NALCN: variants seen among roughly 807,000 people sequenced by gnomAD.
NALCN encodes sodium leak channel NALCN.
NALCN carries 111 observed loss-of-function variants against 225.3 expected under a neutral mutation model. That is an observed-to-expected ratio of 0.49 (90% CI 0.42 to 0.58). NALCN has a LOEUF of 0.58. NALCN is among the 20% of genes least tolerant of loss of function. The probability of loss-of-function intolerance (pLI) is 0.00; values close to 1 mark genes in which losing one functional copy is unlikely to be tolerated. For synonymous variants in NALCN, 764 were observed against 769.0 expected (o/e 0.99, Z 0.11); for missense variants, 1,378 against 2,202.4 (o/e 0.63, Z 7.49).
chr13:101,206,211 C>T (rs1346878782), intron 13 of NALCN, among the ~76,000 whole-genome samples: 1 of 151,942 alleles, frequency 6.6e-6, no homozygotes, highest in African/African-American at 2.4e-5. Context: ...GCCTTCCTCC[C>T]TCCCTGTATC....
intron 40 of NALCN, 74 bp downstream of exon 40, chr13:101,065,330 T>G (rs1034013493): frequency 1.2e-5 from 18 of 1,499,236 alleles, no homozygotes; most frequent in Non-Finnish European, 1.7e-5. Flanking sequence ...TTGTTAATTG[T>G]ACTGCAGAGG....
chr13:101,282,479 G>A (rs2043199332), intron 10 of NALCN, among the ~76,000 whole-genome samples: 1 of 152,162 alleles, frequency 6.6e-6, no homozygotes. Context: ...GCAGAGAGTA[G>A]GATTGTGGTT....
chr13:101,410,374 CT>C (rs1385317442), intron 1 of NALCN, among the ~76,000 whole-genome samples: 1 of 152,186 alleles, frequency 6.6e-6, no homozygotes, highest in African/African-American at 2.4e-5. Flanking sequence ...AGTCATGGCT[CT>C]GTGTGGAAAA....
chr13:101,144,315 A>G (rs1430752948), intron 16 of NALCN, among the ~76,000 whole-genome samples: 1 of 152,234 alleles, frequency 6.6e-6, no homozygotes, highest in Admixed American at 6.5e-5. Context: ...GGCTCCATAA[A>G]CACTGTAGTA....
chr13:101,074,509 C>T lies in NALCN; in HGVS notation c.4103+5G>A, dbSNP rs1184788877. The T allele has an allele frequency of 1.2e-6, 2 of 1,600,138 alleles. No homozygotes were observed. Among genetic ancestry groups the T allele is most frequent in the East Asian group, 2.2e-5 (1 of 44,712 alleles). On this transcript the variant is annotated splice_donor_5th_base_variant and intron_variant, in intron 36 of 43. Coordinates refer to ENST00000251127, the MANE Select transcript of NALCN (RefSeq NM_052867.4). ...AAATGAATAGAAAGATAAGTATATA[C>T]CAACCTGTTAATATTCTCCCCATAT...
intron 15 of NALCN, among the ~76,000 whole-genome samples, chr13:101,165,023 CCT>C (rs1163018429): frequency 1.3e-5 from 2 of 152,152 alleles, no homozygotes; most frequent in Non-Finnish European, 2.9e-5. Flanking sequence ...AGGGTACGGT[CCT>C]CTCGCTCCTG....
At chr13:101,392,505 T>A (rs1425026680) in intron 3 of NALCN, among the ~76,000 whole-genome samples, 1 of 152,196 alleles carries the variant, frequency 6.6e-6, no homozygotes, top group Admixed American at 6.5e-5. Context: ...ATTCACTTAA[T>A]CCAATAATGT....
In NALCN at chr13:101,074,557, C is replaced by T; in HGVS notation, c.4060G>A (p.Val1354Ile). Residue 1354 changes from valine (V) to isoleucine (I), a missense_variant, in exon 36 of 44, where the codon GTT becomes ATT. Around this residue, in one of 19 missense-constraint regions of NALCN, gnomAD observed 76 missense variants for 118.7 expected, o/e 0.64. Coordinates refer to ENST00000251127, the MANE Select transcript of NALCN (RefSeq NM_052867.4). ...TATTTCACAGTACCAAATAAAACAA[C>T]TCCAGCAAAAGCGTAACACAGCAGC... ...LLLLCYAFAGVVLFGTVKYGE... is the reference protein window; with the variant it reads ...LLLLCYAFAGIVLFGTVKYGE... 1 of 1,613,442 alleles carries T rather than the reference C, an allele frequency of 6.2e-7. No homozygotes were observed. The highest frequency in any genetic ancestry group is 8.5e-7 in the Non-Finnish European group (1 of 1,179,880).
At chr13:101,347,476 T>C (rs2045777786) in intron 6 of NALCN, among the ~76,000 whole-genome samples, 1 of 152,182 alleles carries the variant, frequency 6.6e-6, no homozygotes, top group Admixed American at 6.5e-5. Context: ...TCTCCCCATT[T>C]CTCATTCTTA....
intron 17 of NALCN, among the ~76,000 whole-genome samples, chr13:101,140,194 A>T (rs2037000786): frequency 6.6e-6 from 1 of 152,306 alleles, no homozygotes; most frequent in Admixed American, 6.5e-5. Flanking sequence ...GAGCAATAAG[A>T]CATGTTGTAT....
chr13:101,161,358 CG>C (rs1191264946), intron 15 of NALCN, among the ~76,000 whole-genome samples: 1 of 152,230 alleles, frequency 6.6e-6, no homozygotes, highest in Non-Finnish European at 1.5e-5. Context: ...CCCCCAAATA[CG>C]GTTGTATGCT....
At chr13:101,213,851 T>C (rs1256324471) in intron 13 of NALCN, among the ~76,000 whole-genome samples, 2 of 152,234 alleles carry the variant, frequency 1.3e-5, no homozygotes, top group Non-Finnish European at 2.9e-5. Flanking sequence ...GGTGGGACTG[T>C]AAACTAGTTC....
At chr13:101,412,266 T>C (rs1454187779) in intron 1 of NALCN, among the ~76,000 whole-genome samples, 1 of 152,240 alleles carries the variant, frequency 6.6e-6, no homozygotes, top group Non-Finnish European at 1.5e-5. Context: ...GAAAAACATT[T>C]ATTGGTGTGT....
At chr13:101,186,971 G>T (rs541638151) in intron 14 of NALCN, among the ~76,000 whole-genome samples, 1 of 152,034 alleles carries the variant, frequency 6.6e-6, no homozygotes, top group South Asian at 2.1e-4. Context: ...GTGAAAAACC[G>T]ATAGTTTTGA....
intron 10 of NALCN, among the ~76,000 whole-genome samples, chr13:101,279,340 T>G (rs1224458389): frequency 6.6e-6 from 1 of 152,194 alleles, no homozygotes; most frequent in Non-Finnish European, 1.5e-5. Context: ...TGCTTTTTCA[T>G]GTGAGATAAA....
At chr13:101,199,038 G>A (rs1468784941) in intron 13 of NALCN, among the ~76,000 whole-genome samples, 3 of 151,676 alleles carry the variant, frequency 2.0e-5, no homozygotes, top group African/African-American at 7.3e-5. Context: ...ACTATCACAA[G>A]GACAAAAGTC....
chr13:101,328,577 A>G (rs1277082247), intron 7 of NALCN, among the ~76,000 whole-genome samples: 4 of 152,308 alleles, frequency 2.6e-5, no homozygotes, highest in Admixed American at 1.3e-4. Context: ...ATATAGACAT[A>G]GGTTTGTCTC....
At chr13:101,147,351 TCTC>T (rs1453083274) in intron 15 of NALCN, among the ~76,000 whole-genome samples, 16 of 140,074 alleles carry the variant, frequency 1.1e-4, no homozygotes, top group African/African-American at 3.5e-4. Context: ...TTCCTCTCTC[TCTC>T]TTTTTTTTTT....
chr13:101,416,376 G>T lies in NALCN; in HGVS notation c.-103C>A. 1 of 153,454 alleles carries T rather than the reference G, an allele frequency of 6.5e-6. No individual in the cohort carries two copies. The highest frequency in any genetic ancestry group is 1.9e-4 in the South Asian group (1 of 5,200). 9.5% of individuals were successfully genotyped at this position (153,454 alleles called of 1,614,324 possible). On this transcript the variant is annotated 5_prime_UTR_variant, in exon 1 of 44. Coordinates refer to ENST00000251127, the MANE Select transcript of NALCN (RefSeq NM_052867.4). Reference sequence around the variant, plus strand: ...GGCGGCGGCGGCGGCGACAGTGGGCGACCGGCAGGATCAGTGCCAGGCGCG... The same window carrying T: ...GGCGGCGGCGGCGGCGACAGTGGGCTACCGGCAGGATCAGTGCCAGGCGCG...
Sources: allele counts gnomAD v4.1 joint callset (sites outside exome capture counted in the v4.1 genomes callset), GRCh38; gene constraint gnomAD v4.1.1; regional missense constraint gnomAD v4.1.1; transcripts MANE v1.5; gene names NCBI Gene and HGNC (gene_info 2026-07-23, HGNC 2026-07-21).